Variants in KLF12 observed in about 807,000 individuals in gnomAD.
KLF12 encodes KLF transcription factor 12.
Under a neutral mutation model 37.8 loss-of-function variants are expected in KLF12, and 9 were observed. That is an observed-to-expected ratio of 0.24 (90% confidence interval 0.14 to 0.42). The LOEUF (loss-of-function observed/expected upper bound fraction) is 0.42. KLF12 is among the 10% of genes least tolerant of loss of function. The pLI, the probability that KLF12 is intolerant of heterozygous loss-of-function variation, is 1.00. For synonymous variants in KLF12, 208 were observed against 202.1 expected (o/e 1.03, Z -0.25); for missense variants, 411 against 516.0 (o/e 0.80, Z 1.97).
chr13:73,819,615 C>T lies in KLF12; in HGVS notation c.671-6328G>A, dbSNP rs115952021. Among the ~76,000 whole-genome samples, 1,508 of 152,244 alleles carry T rather than the reference C, an allele frequency of 9.9e-3. 30 individuals carry two copies. Among genetic ancestry groups the T allele is most frequent in the African/African-American group, 0.034 (1,411 of 41,536 alleles). ...GAAAAAGAGTGAACAGATTAAAATT[C>T]CTGCTCTCATGCTGCAGAGATACAG... On this transcript the variant is annotated intron_variant, in intron 4 of 7. Coordinates refer to ENST00000377669, the MANE Select transcript of KLF12 (RefSeq NM_007249.5).
intron 1 of KLF12, among the ~76,000 whole-genome samples, chr13:74,042,587 C>T (rs1310345886): frequency 6.6e-6 from 1 of 152,038 alleles, no homozygotes; most frequent in Non-Finnish European, 1.5e-5. Flanking sequence ...GAGTTAGGAC[C>T]ATAAGAATCC....
intron 6 of KLF12, among the ~76,000 whole-genome samples, chr13:73,721,474 G>A (rs745871001): frequency 2.0e-5 from 3 of 152,136 alleles, no homozygotes; most frequent in South Asian, 2.1e-4. Flanking sequence ...AAGGTAAACC[G>A]TTCTGTAAGT....
chr13:73,903,125 T>C (rs1888111738), intron 3 of KLF12, among the ~76,000 whole-genome samples: 1 of 152,256 alleles, frequency 6.6e-6, no homozygotes, highest in African/African-American at 2.4e-5. Flanking sequence ...CAAGTTTTCA[T>C]GTAATATGAT....
chr13:73,907,733 C>A (rs555176954), intron 3 of KLF12, among the ~76,000 whole-genome samples: 16 of 152,142 alleles, frequency 1.1e-4, no homozygotes, highest in Non-Finnish European at 1.9e-4. Flanking sequence ...TTAATTGATA[C>A]TTCACTGGTC....
At chr13:74,272,419 A>G in the KLF12 span, among the ~76,000 whole-genome samples, 10 of 152,204 alleles carry the variant, frequency 6.6e-5, no homozygotes, top group African/African-American at 2.4e-4. Flanking sequence ...AATTGTATAG[A>G]TTGAGAACCC....
intron 3 of KLF12, among the ~76,000 whole-genome samples, chr13:73,854,193 G>A (rs369472228): frequency 2.0e-5 from 3 of 152,038 alleles, no homozygotes; most frequent in Non-Finnish European, 2.9e-5. Context: ...TCACTATACT[G>A]CCAGAAAAAC....
intron 3 of KLF12, among the ~76,000 whole-genome samples, chr13:73,875,234 T>C (rs1369312163): frequency 6.6e-6 from 1 of 152,076 alleles, no homozygotes; most frequent in Non-Finnish European, 1.5e-5. Context: ...ACTCCCATGG[T>C]GAGCTTTTTG....
intron 2 of KLF12, among the ~76,000 whole-genome samples, chr13:73,963,007 T>C (rs1891065289): frequency 6.6e-6 from 1 of 152,204 alleles, no homozygotes; most frequent in African/African-American, 2.4e-5. Context: ...CCCACATTAC[T>C]TTTTAGCATT....
the KLF12 span, among the ~76,000 whole-genome samples, chr13:74,150,541 A>C: frequency 2.6e-5 from 4 of 152,232 alleles, no homozygotes; most frequent in African/African-American, 7.2e-5. Flanking sequence ...TCACAATTTC[A>C]TGGATAGAAG....
intron 1 of KLF12, among the ~76,000 whole-genome samples, chr13:74,097,736 G>GTA (rs1270313310): frequency 1.3e-5 from 2 of 151,620 alleles, no homozygotes; most frequent in South Asian, 2.1e-4. Context: ...GTGTGTGTGT[G>GTA]TATGTTCATG....
In KLF12 at chr13:73,687,249, A is replaced by G. The variant is rs892128111; in HGVS notation, c.*8241T>C. ...ACGATGTTTTCAAGCTGGTTTTATA[A>G]GTACTTATCTCACATCCACAGAGAG... On this transcript the variant is annotated 3_prime_UTR_variant, in exon 8 of 8. Coordinates refer to ENST00000377669, the MANE Select transcript of KLF12 (RefSeq NM_007249.5). The G allele has an allele frequency of 6.6e-6, 1 of 152,670 alleles. No homozygotes were observed. The highest frequency in any genetic ancestry group is 1.5e-5 in the Non-Finnish European group (1 of 68,048). The allele number at this position is 152,670 out of a possible 1,614,324, so 9.5% of individuals were successfully genotyped here.
chr13:74,016,476 C>T lies in KLF12; in HGVS notation c.-31-21423G>A, dbSNP rs188892333. ...TCCTGGGCTCAAGCCATCCTCCCAC[C>T]TCAGCCTCCTAAGTAGCTAGGAGTA... On this transcript the variant is annotated intron_variant, in intron 1 of 7. Transcript: ENST00000377669. Among the ~76,000 whole-genome samples the T allele has an allele frequency of 2.4e-3, 361 of 152,328 alleles. 4 individuals carry two copies. Among genetic ancestry groups the T allele is most frequent in the African/African-American group, 8.0e-3 (333 of 41,568 alleles).
At chr13:74,223,442 T>C in the KLF12 span, among the ~76,000 whole-genome samples, 3 of 152,212 alleles carry the variant, frequency 2.0e-5, no homozygotes. Context: ...CTTCATTTAC[T>C]CTGGATTTCC....
At chr13:74,274,781 A>G in the KLF12 span, among the ~76,000 whole-genome samples, 1 of 150,940 alleles carries the variant, frequency 6.6e-6, no homozygotes. Flanking sequence ...TCCTTTACCC[A>G]TTGTTACATT....
intron 1 of KLF12, among the ~76,000 whole-genome samples, chr13:74,100,485 G>C (rs1308558749): frequency 6.6e-6 from 1 of 152,064 alleles, no homozygotes; most frequent in African/African-American, 2.4e-5. Context: ...AGGTGTGGTG[G>C]CAGGCGCCTG....
At chr13:74,028,720 A>G (rs1040430207) in intron 1 of KLF12, among the ~76,000 whole-genome samples, 9 of 152,064 alleles carry the variant, frequency 5.9e-5, no homozygotes, top group African/African-American at 2.2e-4. Flanking sequence ...TTACATTAGT[A>G]AGATTTTATA....
At chr13:74,121,534 T>C (rs1021189008) in intron 1 of KLF12, among the ~76,000 whole-genome samples, 2 of 152,066 alleles carry the variant, frequency 1.3e-5, no homozygotes, top group Admixed American at 6.5e-5. Flanking sequence ...TCAAAGCTTA[T>C]GTAAGCAATG....
the KLF12 span, among the ~76,000 whole-genome samples, chr13:74,252,709 A>G: frequency 3.3e-5 from 5 of 152,184 alleles, no homozygotes; most frequent in African/African-American, 1.2e-4. Context: ...AACTCTCTTA[A>G]TGAAATAGAA....
chr13:74,229,356 CT>C, the KLF12 span, among the ~76,000 whole-genome samples: 3 of 152,128 alleles, frequency 2.0e-5, no homozygotes, highest in Admixed American at 2.0e-4. Context: ...AAAACAAGTC[CT>C]TTGACTCCTG....
Sources: allele counts gnomAD v4.1 joint callset (sites outside exome capture counted in the v4.1 genomes callset), GRCh38; gene constraint gnomAD v4.1.1; transcripts MANE v1.5; gene names NCBI Gene and HGNC (gene_info 2026-07-23, HGNC 2026-07-21).